The following PSD3 variants were observed in gnomAD, a reference collection of about 807,000 sequenced individuals.
PSD3 encodes PH and SEC7 domain-containing protein 3.
A neutral mutation model predicts 105.5 loss-of-function variants in PSD3; 49 were observed. The ratio of observed to expected loss-of-function variants is 0.46; its 90% CI spans 0.37 to 0.59. The LOEUF is 0.59. Among genes scored for constraint, PSD3 ranks in the 20% least tolerant of loss-of-function variants. PSD3 has a pLI of 0.00. For missense variants in PSD3, 1,561 were observed against 1,263.8 expected, an observed-to-expected ratio of 1.24 and a Z score of -3.57; for synonymous variants, 557 against 457.8, an observed-to-expected ratio of 1.22 and a Z score of -2.77.
At chr8:18,937,653 A>T (rs1822233159) in intron 1 of PSD3, among the ~76,000 whole-genome samples, 1 of 152,210 alleles carries the variant, frequency 6.6e-6, no homozygotes, top group African/African-American at 2.4e-5. Flanking sequence ...GGTCTGAAAA[A>T]AGGTGCATAC....
chr8:18,727,057 G>A (rs552496064), intron 9 of PSD3, among the ~76,000 whole-genome samples: 28 of 152,172 alleles, frequency 1.8e-4, no homozygotes, highest in Middle Eastern at 6.8e-3. Context: ...GTCCAGGCAG[G>A]CCAGGCGCAG....
chr8:18,893,429 C>T (rs898359511), intron 2 of PSD3, among the ~76,000 whole-genome samples: 4 of 152,202 alleles, frequency 2.6e-5, no homozygotes, highest in Admixed American at 1.3e-4. Flanking sequence ...CTGTACTTAT[C>T]GAGTTGATTT....
intron 11 of PSD3, among the ~76,000 whole-genome samples, chr8:18,629,182 T>C (rs762326320): frequency 9.9e-5 from 15 of 151,896 alleles, no homozygotes; most frequent in Admixed American, 8.5e-4. Flanking sequence ...AAATAAGGAA[T>C]ATAACCAGGG....
chr8:18,880,836 T>C (rs1396586499), intron 2 of PSD3, among the ~76,000 whole-genome samples: 3 of 152,236 alleles, frequency 2.0e-5, no homozygotes, highest in Non-Finnish European at 4.4e-5. Flanking sequence ...CTCAGGGACT[T>C]GTTAAATATA....
chr8:18,535,621 A>C lies in PSD3; in HGVS notation c.*122T>G. On this transcript the variant is annotated 3_prime_UTR_variant, in exon 16 of 16. Transcript: ENST00000327040. ...ACTAACAAAAATATACAATAGAAAAAATTACTAATGCACCGTTTTGTCACA... is the reference window on the plus strand; with the variant it reads ...ACTAACAAAAATATACAATAGAAAACATTACTAATGCACCGTTTTGTCACA... 1 of 797,714 alleles carries C rather than the reference A, an allele frequency of 1.3e-6. No individual in the cohort carries two copies. The highest frequency in any genetic ancestry group is 2.0e-6 in the Non-Finnish European group (1 of 496,194). 49.4% of individuals were successfully genotyped at this position (797,714 alleles called of 1,614,324 possible).
intron 1 of PSD3, chr8:18,989,480 G>A (rs1213131597): frequency 6.6e-6 from 1 of 152,176 alleles, no homozygotes; most frequent in Admixed American, 6.5e-5. Context: ...AAGAAACACA[G>A]ATTTTAGTCA....
chr8:18,551,851 T>G (rs75186762), intron 15 of PSD3, among the ~76,000 whole-genome samples: 2,656 of 152,208 alleles, frequency 0.017, 55 homozygotes, highest in East Asian at 0.074. Context: ...TCCAAGCCCA[T>G]GTTCAAAGAT....
At chr8:18,963,552 G>A (rs1463284655) in intron 1 of PSD3, among the ~76,000 whole-genome samples, 10 of 152,126 alleles carry the variant, frequency 6.6e-5, no homozygotes, top group African/African-American at 2.2e-4. Flanking sequence ...AACCGATTCA[G>A]AGGGGTAAGC....
chr8:18,884,369 A>T (rs1818314019), intron 2 of PSD3, among the ~76,000 whole-genome samples: 1 of 152,248 alleles, frequency 6.6e-6, no homozygotes, highest in Non-Finnish European at 1.5e-5. Flanking sequence ...AAATAAAACA[A>T]GAGGATAATC....
intron 10 of PSD3, among the ~76,000 whole-genome samples, chr8:18,637,916 G>C (rs1347368338): frequency 1.3e-5 from 2 of 152,082 alleles, no homozygotes; most frequent in Non-Finnish European, 2.9e-5. Flanking sequence ...CCAGCACATT[G>C]GGAGGCCGAG....
chr8:18,846,939 C>T (rs762982468), intron 4 of PSD3, among the ~76,000 whole-genome samples: 8 of 152,048 alleles, frequency 5.3e-5, no homozygotes, highest in Non-Finnish European at 1.2e-4. Flanking sequence ...ATGTGAAGTA[C>T]CAGGAAAACC....
intron 14 of PSD3, among the ~76,000 whole-genome samples, chr8:18,563,951 A>T (rs1801567722): frequency 6.6e-6 from 1 of 152,160 alleles, no homozygotes; most frequent in Non-Finnish European, 1.5e-5. Flanking sequence ...TAGCCCAGGC[A>T]AGATGACCCA....
chr8:19,076,827 AG>A lies in PSD3; in HGVS notation c.324+7378del, dbSNP rs142651603. On this transcript the variant is annotated intron_variant, in intron 1 of 1. Coordinates refer to the PSD3 transcript ENST00000521475. ...ACCCTTCTCACAATTAGAGCTATAC[AG>A]CTACTGGTGCGACTCTTTGACCTTG... is the stretch of plus-strand genomic sequence containing the variant. Among the ~76,000 whole-genome samples the A allele has an allele frequency of 8.1e-3, 1,238 of 152,080 alleles. 10 individuals are homozygous for A. The highest frequency in any genetic ancestry group is 0.029 in the African/African-American group (1,211 of 41,498).
rs147088951 is a variant in PSD3, at chr8:18,610,318, C to G, written c.2411-9884G>C. 2.6e-5 allele frequency among the ~76,000 whole-genome samples: 4 copies of G among 152,258 alleles called. No individual in the cohort carries two copies. The East Asian group carries it at 7.7e-4, about 29-fold the overall frequency. On this transcript the variant is annotated intron_variant, in intron 11 of 15. Transcript: ENST00000327040. ...TAGGAGTATGCACCTGTAACAATACCTGAGTCTTGGCCAATCCCAGTGGTT... is the reference window on the plus strand; with the variant it reads ...TAGGAGTATGCACCTGTAACAATACGTGAGTCTTGGCCAATCCCAGTGGTT...
At chr8:19,017,250 A>G (rs1827207455), upstream of PSD3, among the ~76,000 whole-genome samples, 2 of 151,954 alleles carry the variant, frequency 1.3e-5, no homozygotes, top group South Asian at 2.1e-4. Context: ...GGGTCTCCCT[A>G]TATGGCTAGG....
intron 8 of PSD3, among the ~76,000 whole-genome samples, chr8:18,798,325 T>C (rs187969688): frequency 1.3e-5 from 2 of 152,284 alleles, no homozygotes; most frequent in Non-Finnish European, 2.9e-5. Context: ...TATTTTGAGA[T>C]ATGTTAAAAT....
chr8:18,551,100 T>C (rs751428908), intron 15 of PSD3, among the ~76,000 whole-genome samples: 1 of 152,204 alleles, frequency 6.6e-6, no homozygotes, highest in Admixed American at 6.5e-5. Context: ...GTTTGCCTTG[T>C]GACAGTTGGC....
intron 1 of PSD3, among the ~76,000 whole-genome samples, chr8:19,064,396 A>C (rs548213746): frequency 5.3e-5 from 8 of 152,248 alleles, no homozygotes; most frequent in African/African-American, 1.9e-4. Flanking sequence ...ACTGTTATTT[A>C]CACAACAGTT....
rs1326542582 is a variant in PSD3, at chr8:18,534,458, A to G, written c.*1285T>C. 6.6e-6 allele frequency: 1 copy of G among 152,614 alleles called. No individual in the cohort carries two copies. The highest frequency in any genetic ancestry group is 1.5e-5 in the Non-Finnish European group (1 of 68,044). 9.5% of individuals were successfully genotyped at this position (152,614 alleles called of 1,614,324 possible). Reference sequence around the variant, plus strand: ...AGCTCATGACTGCAAAGTTAATAGAACCATTTTGAGTAGACAGAAAGAAAG... The same window carrying G: ...AGCTCATGACTGCAAAGTTAATAGAGCCATTTTGAGTAGACAGAAAGAAAG... On this transcript the variant is annotated 3_prime_UTR_variant, in exon 16 of 16. Transcript: ENST00000327040.
Sources: allele counts gnomAD v4.1 joint callset (sites outside exome capture counted in the v4.1 genomes callset), GRCh38; gene constraint gnomAD v4.1.1; transcripts MANE v1.5; gene names NCBI Gene and HGNC (gene_info 2026-07-23, HGNC 2026-07-21).